Variants in DDI2 observed in about 807,000 individuals in gnomAD.
The protein encoded by DDI2 is DDI proteasomal shuttling factor 2.
In DDI2, 5 loss-of-function variants were observed where a neutral mutation model predicts 48.1. The observed-to-expected ratio is 0.10, with a 90% CI of 0.05 to 0.22. The LOEUF is 0.22. DDI2 is among the 10% of genes least tolerant of loss of function. The pLI is 1.00. For synonymous variants in DDI2, 205 were observed against 183.6 expected, an observed-to-expected ratio of 1.12 and a Z score of -0.94; for missense variants, 285 against 506.2, an observed-to-expected ratio of 0.56 and a Z score of 4.19.
At position 15,659,944 on chromosome 1, in the gene DDI2, C is replaced by A; in HGVS notation, c.*154C>A. ...AGGACAGAGTCCTGATGTTGGTAAT[C>A]CTATGAGTCTTGCTCGCTCTGTCTC... is the stretch of plus-strand genomic sequence containing the variant. On this transcript the variant is annotated 3_prime_UTR_variant, in exon 10 of 10. Transcript: ENST00000480945. 6.2e-7 allele frequency: 1 copy of A among 1,613,962 alleles called. No homozygotes were observed. Among genetic ancestry groups the A allele is most frequent in the South Asian group, 1.1e-5 (1 of 91,040 alleles).
intron 8 of DDI2, among the ~76,000 whole-genome samples, chr1:15,654,873 ATTTATC>A (rs1273162744): frequency 1.3e-5 from 2 of 151,660 alleles, no homozygotes; most frequent in Non-Finnish European, 2.9e-5. Flanking sequence ...TTGGGGTGTA[ATTTATC>A]ATCTTAGTCG....
At chr1:15,629,947 G>A (rs10927816) in intron 2 of DDI2, among the ~76,000 whole-genome samples, 17 of 152,056 alleles carry the variant, frequency 1.1e-4, no homozygotes, top group African/African-American at 3.9e-4. Context: ...GACCAGGCTG[G>A]TCTTGAACTT....
chr1:15,629,457 C>T lies in DDI2; in HGVS notation c.269-868C>T, dbSNP rs1417449739. ...CTAAAAATACAAAAAATTAGCTGGG[C>T]GTAGTGGCACACGCCTGTAATCCCA... On this transcript the variant is annotated intron_variant, in intron 2 of 9. Transcript: ENST00000480945. Among the ~76,000 whole-genome samples, 6 of 151,752 alleles carry T rather than the reference C, an allele frequency of 4.0e-5. No homozygotes were observed. In the South Asian group the frequency reaches 6.2e-4, roughly 16 times the overall value.
intron 1 of DDI2, 22 bp from the exon 2 acceptor site, chr1:15,626,647 T>C (rs367661237): frequency 1.9e-6 from 3 of 1,614,168 alleles, no homozygotes; most frequent in South Asian, 2.2e-5. Flanking sequence ...TTTATACTGT[T>C]GTATATCTTT....
chr1:15,645,997 T>C (rs1222558423), intron 6 of DDI2, among the ~76,000 whole-genome samples: 2 of 152,170 alleles, frequency 1.3e-5, no homozygotes, highest in Non-Finnish European at 2.9e-5. Context: ...AAGGCTGGCA[T>C]CTCAGTTGGA....
At chr1:15,645,775 C>T (rs1202762697) in intron 6 of DDI2, among the ~76,000 whole-genome samples, 1 of 150,180 alleles carries the variant, frequency 6.7e-6, no homozygotes, top group East Asian at 1.9e-4. Context: ...GAGGCTAAGG[C>T]AGGAGGATTG....
intron 1 of DDI2, among the ~76,000 whole-genome samples, chr1:15,624,754 T>C (rs1174673222): frequency 6.6e-6 from 1 of 152,288 alleles, no homozygotes; most frequent in Middle Eastern, 3.4e-3. Context: ...GTGGGAGTTA[T>C]ATCCTACTAC....
At chr1:15,647,307 C>G (rs1640107543) in intron 6 of DDI2, among the ~76,000 whole-genome samples, 1 of 151,892 alleles carries the variant, frequency 6.6e-6, no homozygotes, top group Non-Finnish European at 1.5e-5. Flanking sequence ...GCTACCACAC[C>G]CGGGTAATTT....
intron 9 of DDI2, among the ~76,000 whole-genome samples, chr1:15,658,509 T>C (rs1449515366): frequency 6.6e-6 from 1 of 151,348 alleles, no homozygotes; most frequent in African/African-American, 2.4e-5. Flanking sequence ...TTGCCTGTAA[T>C]CCAAGCACTT....
chr1:15,622,198 C>CTTTTTT (rs923707351), intron 1 of DDI2, among the ~76,000 whole-genome samples: 23,302 of 130,534 alleles, frequency 0.18, 2,450 homozygotes, highest in African/African-American at 0.23. Context: ...GTAGCTGCGA[C>CTTTTTT]TTTTTTTTTT....
intron 3 of DDI2, 115 bp downstream of exon 3, chr1:15,630,676 G>T: frequency 1.3e-6 from 1 of 753,690 alleles, no homozygotes; most frequent in Non-Finnish European, 2.2e-6. Context: ...GAACATACCA[G>T]TTTTTTCTCT....
At chr1:15,651,954 T>TG in intron 8 of DDI2, 59 bp downstream of exon 8, 1 of 1,537,700 alleles carries the variant, frequency 6.5e-7, no homozygotes, top group Non-Finnish European at 8.8e-7. Context: ...CCGGGAAGTG[T>TG]GGGCTTCAGA....
intron 1 of DDI2, among the ~76,000 whole-genome samples, chr1:15,619,391 G>A (rs1441125444): frequency 6.6e-6 from 1 of 151,854 alleles, no homozygotes; most frequent in Non-Finnish European, 1.5e-5. Context: ...CTCCCAAAAT[G>A]CTGCGATTAC....
rs914689800 is a variant in DDI2 at position 15,638,157 on chromosome 1, G to T, written c.633-150G>T. On this transcript the variant is annotated intron_variant, in intron 4 of 9. Transcript: ENST00000480945. ...ACTGCCTCTTTGGAAATGATCTCTT[G>T]CCCCATATAGCACCAATTTTTCTAT... 9.6e-6 allele frequency: 9 copies of T among 942,040 alleles called. No individual in the cohort carries two copies. In the Admixed American group the frequency reaches 1.4e-4, roughly 14 times the overall value. The allele number at this position is 942,040 out of a possible 1,614,324, so 58.4% of individuals were successfully genotyped here. A position where few individuals can be genotyped will look rare whatever the true frequency, so the allele number is the denominator to read the frequency against.
In DDI2 at chr1:15,665,318, G is replaced by A. The variant is rs1286664405; in HGVS notation, c.*5528G>A. On this transcript the variant is annotated 3_prime_UTR_variant, in exon 10 of 10. Transcript: ENST00000480945. ...CTTGGCAAAGGAAGCTGGAGAGATG[G>A]CGAGTGCATGTGTTAAAACTCTTCT... The A allele has an allele frequency of 6.6e-6, 1 of 151,592 alleles. No homozygotes were observed. The highest frequency in any genetic ancestry group is 2.4e-5 in the African/African-American group (1 of 41,068). 9.4% of individuals were successfully genotyped at this position (151,592 alleles called of 1,614,324 possible). A position where few individuals can be genotyped will look rare whatever the true frequency, so the allele number is the denominator to read the frequency against.
chr1:15,653,401 G>A (rs539429662), intron 8 of DDI2, among the ~76,000 whole-genome samples: 1 of 151,732 alleles, frequency 6.6e-6, no homozygotes, highest in Non-Finnish European at 1.5e-5. Flanking sequence ...TCTCGCCTCC[G>A]CCTCCCAAAG....
At chr1:15,650,155 A>G (rs1640155387) in intron 7 of DDI2, among the ~76,000 whole-genome samples, 1 of 152,226 alleles carries the variant, frequency 6.6e-6, no homozygotes, top group African/African-American at 2.4e-5. Flanking sequence ...GTGTGAGTCA[A>G]GTAAGTCTTT....
chr1:15,626,086 C>T (rs1469045955), intron 1 of DDI2, among the ~76,000 whole-genome samples: 2 of 152,164 alleles, frequency 1.3e-5, no homozygotes, highest in African/African-American at 4.8e-5. Context: ...CTTTTCCTCC[C>T]TGCTAAAAAT....
chr1:15,619,324 C>T (rs1273234954), intron 1 of DDI2, among the ~76,000 whole-genome samples: 1 of 151,682 alleles, frequency 6.6e-6, no homozygotes, highest in Non-Finnish European at 1.5e-5. Flanking sequence ...CGGGGTTTCA[C>T]CATGTTGACC....
Sources: gnomAD v4.1 joint callset for allele counts (sites outside exome capture counted in the v4.1 genomes callset) on GRCh38, gnomAD v4.1.1 for gene constraint, MANE v1.5 for transcripts, NCBI Gene and HGNC (gene_info 2026-07-23, HGNC 2026-07-21) for gene names.